YTHDC1: variants seen among roughly 807,000 people sequenced by gnomAD.
The protein encoded by YTHDC1 is YTH N6-methyladenosine RNA binding protein C1.
A neutral mutation model predicts 107.0 loss-of-function variants in YTHDC1; 12 were observed. The ratio of observed to expected loss-of-function variants is 0.11; its 90% CI spans 0.07 to 0.18. YTHDC1 has a LOEUF of 0.18. Among genes scored for constraint, YTHDC1 ranks in the 10% least tolerant of loss-of-function variants. The pLI, the probability that YTHDC1 is intolerant of heterozygous loss-of-function variation, is 1.00. For synonymous variants in YTHDC1, 280 were observed against 289.5 expected (o/e 0.97, Z 0.33); for missense variants, 635 against 898.8 (o/e 0.71, Z 3.75).
chr4:68,335,229 C>CG (rs769430034), intron 4 of YTHDC1, among the ~76,000 whole-genome samples: 116 of 152,152 alleles, frequency 7.6e-4, no homozygotes, highest in Middle Eastern at 3.4e-3. Flanking sequence ...TATTTAAAAA[C>CG]TGACGTCTCT....
In YTHDC1 at chr4:68,349,720, A is replaced by C; in HGVS notation, c.28+6T>G. On this transcript the variant is annotated splice_donor_region_variant and intron_variant, in intron 1 of 16. Transcript: ENST00000344157. ...GCCTCGGCCCGTCATCTTTCTCCGCACTAACCTTTCTCCTCCCGACTGTCA... is the reference window on the plus strand; with the variant it reads ...GCCTCGGCCCGTCATCTTTCTCCGCCCTAACCTTTCTCCTCCCGACTGTCA... 6.2e-7 allele frequency: 1 copy of C among 1,602,468 alleles called. No homozygotes were observed.
intron 9 of YTHDC1, among the ~76,000 whole-genome samples, chr4:68,324,532 T>C (rs749571218): frequency 6.6e-6 from 1 of 152,250 alleles, no homozygotes; most frequent in Non-Finnish European, 1.5e-5. Context: ...ATCTACTTTA[T>C]AGTTGTTTTA....
At position 68,311,802 on chromosome 4, in the gene YTHDC1, G is replaced by A. The variant is rs1386953244; in HGVS notation, c.*2297C>T. 1.3e-5 allele frequency: 2 copies of A among 152,096 alleles called. No individual in the cohort carries two copies. Among genetic ancestry groups the A allele is most frequent in the African/African-American group, 4.8e-5 (2 of 41,406 alleles). 9.4% of individuals were successfully genotyped at this position (152,096 alleles called of 1,614,324 possible). Reference sequence around the variant, plus strand: ...ACAAAGCATAACTTAACATCTAATTGGATGGCACTTTAGAAAAATCCTCTG... The same window carrying A: ...ACAAAGCATAACTTAACATCTAATTAGATGGCACTTTAGAAAAATCCTCTG... On this transcript the variant is annotated 3_prime_UTR_variant, in exon 17 of 17. Coordinates refer to ENST00000344157, the MANE Select transcript of YTHDC1 (RefSeq NM_001031732.4).
chr4:68,314,569 A>C (rs915722645), intron 16 of YTHDC1, among the ~76,000 whole-genome samples: 3 of 152,206 alleles, frequency 2.0e-5, no homozygotes, highest in Admixed American at 1.3e-4. Context: ...AGATTATTCA[A>C]ATCTCTTTAT....
chr4:68,336,049 T>C (rs1011822883), intron 4 of YTHDC1, among the ~76,000 whole-genome samples: 46 of 148,256 alleles, frequency 3.1e-4, no homozygotes, highest in African/African-American at 1.1e-3. Context: ...CTGTATATAG[T>C]ATAGGTAGAG....
At chr4:68,333,465 T>C in intron 4 of YTHDC1, 68 bp from the exon 5 acceptor site, 3 of 1,158,174 alleles carry the variant, frequency 2.6e-6, no homozygotes, top group Non-Finnish European at 2.5e-6. Flanking sequence ...CAAACAAGAA[T>C]GTATCATTAC....
At chr4:68,332,969 C>T in intron 5 of YTHDC1, 122 bp from the exon 6 acceptor site, 1 of 816,092 alleles carries the variant, frequency 1.2e-6, no homozygotes. Context: ...CGCACCCACA[C>T]ACACAAAAAA....
intron 11 of YTHDC1, among the ~76,000 whole-genome samples, chr4:68,320,852 A>C (rs1245503479): frequency 6.6e-6 from 1 of 152,102 alleles, no homozygotes; most frequent in African/African-American, 2.4e-5. Flanking sequence ...TTCTTTCTAC[A>C]TCTAATGACA....
chr4:68,323,585 C>T (rs897377940), intron 10 of YTHDC1, among the ~76,000 whole-genome samples: 3 of 151,978 alleles, frequency 2.0e-5, no homozygotes, highest in African/African-American at 7.3e-5. Context: ...AAATTAGCCA[C>T]TCTCGTAACC....
chr4:68,339,604 G>A (rs200018207), intron 1 of YTHDC1, among the ~76,000 whole-genome samples: 1 of 55,226 alleles, frequency 1.8e-5, no homozygotes, highest in South Asian at 1.0e-3. Flanking sequence ...ACACATGCAC[G>A]TACACACACA....
At chr4:68,336,594 A>T (rs1724194963) in intron 4 of YTHDC1, among the ~76,000 whole-genome samples, 1 of 152,240 alleles carries the variant, frequency 6.6e-6, no homozygotes, top group Admixed American at 6.5e-5. Flanking sequence ...TAAAAAAGAA[A>T]TAATCTGTTT....
chr4:68,347,387 T>A (rs1725569585), intron 1 of YTHDC1, among the ~76,000 whole-genome samples: 1 of 152,182 alleles, frequency 6.6e-6, no homozygotes, highest in Non-Finnish European at 1.5e-5. Context: ...ACCTTTCAAA[T>A]CCAGTTTCTT....
At chr4:68,314,365 A>T (rs1198155625) in intron 16 of YTHDC1, 42 bp from the exon 17 acceptor site, 2 of 1,599,798 alleles carry the variant, frequency 1.3e-6, no homozygotes, top group Non-Finnish European at 1.7e-6. Flanking sequence ...CAAAAAGGCA[A>T]ATAGTGTTAA....
At chr4:68,341,445 G>A (rs1462668729) in intron 1 of YTHDC1, among the ~76,000 whole-genome samples, 3 of 151,948 alleles carry the variant, frequency 2.0e-5, no homozygotes, top group South Asian at 4.1e-4. Context: ...ACTTTTATCC[G>A]TATTATAGTC....
intron 2 of YTHDC1, 148 bp downstream of exon 2, chr4:68,338,135 T>TATTC: frequency 7.6e-7 from 1 of 1,318,068 alleles, no homozygotes. Flanking sequence ...AGATTATCCC[T>TATTC]ATTCATATGG....
intron 9 of YTHDC1, among the ~76,000 whole-genome samples, chr4:68,327,320 C>A (rs1723103279): frequency 6.6e-6 from 1 of 152,170 alleles, no homozygotes; most frequent in African/African-American, 2.4e-5. Context: ...GAATATAACA[C>A]CTAGTCAGTA....
At chr4:68,319,734 T>A (rs1722242788) in intron 12 of YTHDC1, among the ~76,000 whole-genome samples, 1 of 152,146 alleles carries the variant, frequency 6.6e-6, no homozygotes, top group Admixed American at 6.5e-5. Flanking sequence ...GATTTTTATT[T>A]AAAAAAAGTA....
rs921288190 is a variant in YTHDC1, at chr4:68,327,885, TATTAAAAC to T, written c.1349+2109_1349+2116del. Reference sequence around the variant, plus strand: ...AAATTACACTTGAATAGAACTTGAGTATTAAAACATTAAAACTATAGTTTTATTATGTA... The same window carrying T: ...AAATTACACTTGAATAGAACTTGAGTATTAAAACTATAGTTTTATTATGTA... On this transcript the variant is annotated intron_variant, in intron 9 of 16. Transcript: ENST00000344157. 1.5e-4 allele frequency among the ~76,000 whole-genome samples: 23 copies of T among 152,230 alleles called. 1 individual carries two copies. The highest frequency in any genetic ancestry group is 1.2e-3 in the Admixed American group (18 of 15,280).
intron 9 of YTHDC1, among the ~76,000 whole-genome samples, chr4:68,327,525 T>A (rs1169119622): frequency 6.6e-6 from 1 of 152,170 alleles, no homozygotes; most frequent in African/African-American, 2.4e-5. Context: ...GAGGTGGGTT[T>A]CAAGATTCTG....
Sources: allele counts gnomAD v4.1 joint callset (sites outside exome capture counted in the v4.1 genomes callset), GRCh38; gene constraint gnomAD v4.1.1; transcripts MANE v1.5; gene names NCBI Gene and HGNC (gene_info 2026-07-23, HGNC 2026-07-21).